The following COL4A2 variants were observed in gnomAD, a reference collection of about 807,000 sequenced individuals.
COL4A2 encodes the protein collagen type IV alpha 2 chain, also known as collagen alpha-2(IV) chain.
In COL4A2, 99 loss-of-function variants were observed where a neutral mutation model predicts 200.2. That is an observed-to-expected ratio of 0.49 (90% CI 0.42 to 0.58). The LOEUF (loss-of-function observed/expected upper bound fraction) is 0.58, where lower values mean the gene tolerates loss of function less well. Among genes scored for constraint, COL4A2 ranks in the 20% least tolerant of loss-of-function variants. The pLI, the probability that COL4A2 is intolerant of heterozygous loss-of-function variation, is 0.00. For synonymous variants in COL4A2, 897 were observed against 900.6 expected (o/e 1.00, Z 0.07); for missense variants, 1,950 against 2,314.1 (o/e 0.84, Z 3.23).
chr13:110,311,066 T>C (rs1055869532), intron 3 of COL4A2, among the ~76,000 whole-genome samples: 2 of 152,134 alleles, frequency 1.3e-5, no homozygotes, highest in African/African-American at 4.8e-5. Context: ...GGGTGCTTTC[T>C]TCTTGGTCTT....
intron 22 of COL4A2, among the ~76,000 whole-genome samples, chr13:110,460,328 C>G (rs1375563620): frequency 2.0e-5 from 3 of 152,120 alleles, no homozygotes. Flanking sequence ...TCTCAGAAAA[C>G]AGATAGGAAA....
chr13:110,388,224 G>C (rs1019626839), intron 4 of COL4A2, among the ~76,000 whole-genome samples: 10 of 152,180 alleles, frequency 6.6e-5, no homozygotes, highest in Admixed American at 2.6e-4. Flanking sequence ...CTCCAGGACG[G>C]CGGCAAGCGA....
intron 47 of COL4A2, among the ~76,000 whole-genome samples, chr13:110,511,075 T>A (rs1264441069): frequency 6.6e-6 from 1 of 152,174 alleles, no homozygotes; most frequent in Non-Finnish European, 1.5e-5. Context: ...CTGAGATATT[T>A]CTATTCTAAG....
In COL4A2 at chr13:110,462,312, C is replaced by T. The variant is rs757638360; in HGVS notation, c.1704C>T (p.Pro568=). 16 of 1,614,054 alleles carry T rather than the reference C, an allele frequency of 9.9e-6. 1 individual carries two copies. Among genetic ancestry groups the T allele is most frequent in the Admixed American group, 5.0e-5 (3 of 60,012 alleles). The change falls in exon 24 of 48, where the codon CCC becomes CCT. Residue 568 remains proline, a synonymous_variant. Coordinates refer to ENST00000360467, the MANE Select transcript of COL4A2 (RefSeq NM_001846.4). ...GACAGCCCGGCGTCCCAGGTGTGCC[C>T]GGGATGAAAGGTGACGATGGCAGCC... ...ERGQPGVPGV[P]GMKGDDGSPG...
intron 4 of COL4A2, among the ~76,000 whole-genome samples, chr13:110,393,953 C>G (rs1267558174): frequency 6.6e-6 from 1 of 152,150 alleles, no homozygotes; most frequent in Admixed American, 6.5e-5. Context: ...TACTGTAGGA[C>G]TCATAGTAAA....
At chr13:110,331,836 A>C (rs1357266816) in intron 3 of COL4A2, among the ~76,000 whole-genome samples, 1 of 151,836 alleles carries the variant, frequency 6.6e-6, no homozygotes, top group Non-Finnish European at 1.5e-5. Flanking sequence ...CCTTGTGCCC[A>C]TTTTCCTGTT....
chr13:110,447,670 C>T (rs1207291286), intron 18 of COL4A2, among the ~76,000 whole-genome samples: 1 of 152,198 alleles, frequency 6.6e-6, no homozygotes, highest in African/African-American at 2.4e-5. Flanking sequence ...CATTTCAGCC[C>T]ATCTTGTTCA....
At chr13:110,361,820 C>T (rs59301981) in intron 4 of COL4A2, among the ~76,000 whole-genome samples, 5,718 of 152,206 alleles carry the variant, frequency 0.038, 361 homozygotes, top group African/African-American at 0.13. Flanking sequence ...AGCTGTGTAC[C>T]GGCTGCTTGG....
Position 110,425,488 on chromosome 13 carries a change from C to A in COL4A2, c.360+491C>A, listed in dbSNP as rs1196983150. Among the ~76,000 whole-genome samples, 6 of 152,188 alleles carry A rather than the reference C, an allele frequency of 3.9e-5. No homozygotes were observed. The East Asian group carries it at 1.2e-3, about 29-fold the overall frequency. On this transcript the variant is annotated intron_variant, in intron 6 of 47. Transcript: ENST00000360467. ...AATGCAATAAAATGTGTTTTTATAACCTAGTTTACTTTACTTCTCGTGGCA... is the reference window on the plus strand; with the variant it reads ...AATGCAATAAAATGTGTTTTTATAAACTAGTTTACTTTACTTCTCGTGGCA...
intron 3 of COL4A2, among the ~76,000 whole-genome samples, chr13:110,318,315 C>T (rs1298383768): frequency 6.7e-6 from 1 of 148,512 alleles, no homozygotes; most frequent in Non-Finnish European, 1.5e-5. Context: ...TGTGTGTGCG[C>T]GCGGGTATGG....
intron 27 of COL4A2, among the ~76,000 whole-genome samples, chr13:110,467,492 AT>A (rs1882291395): frequency 6.6e-6 from 1 of 152,218 alleles, no homozygotes; most frequent in Admixed American, 6.5e-5. Context: ...TTGGGTTTTG[AT>A]TAACAGGAAA....
chr13:110,491,883 T>G (rs1883296839), intron 37 of COL4A2, among the ~76,000 whole-genome samples, 187 bp from the exon 38 acceptor site: 1 of 152,222 alleles, frequency 6.6e-6, no homozygotes, highest in African/African-American at 2.4e-5. Context: ...CTATTGAATT[T>G]GTATGTGGGG....
intron 4 of COL4A2, among the ~76,000 whole-genome samples, chr13:110,402,340 C>T (rs1879400920): frequency 6.6e-6 from 1 of 152,164 alleles, no homozygotes; most frequent in Non-Finnish European, 1.5e-5. Flanking sequence ...AAGGGAGAAA[C>T]AGGAAAGACT....
chr13:110,426,752 G>A (rs549824770), intron 6 of COL4A2, among the ~76,000 whole-genome samples: 1 of 152,124 alleles, frequency 6.6e-6, no homozygotes, highest in Non-Finnish European at 1.5e-5. Context: ...AAAGACCAAC[G>A]GCAGACAAAT....
chr13:110,449,390 C>A (rs1210670822), intron 18 of COL4A2, among the ~76,000 whole-genome samples: 1 of 152,094 alleles, frequency 6.6e-6, no homozygotes, highest in Non-Finnish European at 1.5e-5. Context: ...AGTGAGGCCT[C>A]CTCGCTCCCA....
chr13:110,480,223 T>C lies in COL4A2; in HGVS notation c.2591T>C (p.Leu864Pro). The change falls in exon 31 of 48, where the codon CTG becomes CCG. Residue 864 changes from leucine to proline, a missense_variant. This residue lies in a region of COL4A2 where 1,385 missense variants were observed against 1,720.5 expected (regional missense o/e 0.80). Transcript: ENST00000360467. ...GATTTGCTCCTCTTCCTGACAGGTC[T>C]GCCTGGTGATAGAGGGGACCCTGGG... ...GLPGIPGREG[L>P]PGDRGDPGDT... is the part of the protein sequence containing the mutation. The C allele has an allele frequency of 6.3e-7, 1 of 1,598,060 alleles. No homozygotes were observed. The highest frequency in any genetic ancestry group is 8.5e-7 in the Non-Finnish European group (1 of 1,174,106).
intron 4 of COL4A2, among the ~76,000 whole-genome samples, chr13:110,387,011 G>T (rs1222266471): frequency 6.6e-6 from 1 of 152,136 alleles, no homozygotes; most frequent in Non-Finnish European, 1.5e-5. Context: ...AGGCCGAGGC[G>T]GGTGAATTAC....
At chr13:110,389,286 G>T (rs1038095251) in intron 4 of COL4A2, among the ~76,000 whole-genome samples, 2 of 152,158 alleles carry the variant, frequency 1.3e-5, no homozygotes, top group African/African-American at 4.8e-5. Flanking sequence ...AGGACATTTC[G>T]TGTCTGTAAA....
intron 32 of COL4A2, 147 bp from the exon 33 acceptor site, chr13:110,484,758 G>A: frequency 8.5e-7 from 1 of 1,181,242 alleles, no homozygotes; most frequent in Non-Finnish European, 1.1e-6. Context: ...ACACAGGAGA[G>A]GCTTCTCCGG....
Sources: gnomAD v4.1 joint callset for allele counts (sites outside exome capture counted in the v4.1 genomes callset) on GRCh38, gnomAD v4.1.1 for gene constraint, gnomAD v4.1.1 regional missense constraint, MANE v1.5 for transcripts, NCBI Gene and HGNC (gene_info 2026-07-23, HGNC 2026-07-21) for gene names.